Variants in SNTG2 observed in about 807,000 individuals in gnomAD.
SNTG2 encodes syntrophin gamma 2.
Under a neutral mutation model 70.9 loss-of-function variants are expected in SNTG2, and 74 were observed. The ratio of observed to expected loss-of-function variants is 1.04; its 90% CI spans 0.86 to 1.27. SNTG2 has a LOEUF of 1.27. SNTG2 is among the 50% of genes most tolerant of loss of function. SNTG2 has a pLI of 0.00. For missense variants in SNTG2, 717 were observed against 690.7 expected, an observed-to-expected ratio of 1.04 and a Z score of -0.43; for synonymous variants, 278 against 273.8, an observed-to-expected ratio of 1.02 and a Z score of -0.15.
At chr2:1,269,938 A>G (rs898170388) in intron 14 of SNTG2, among the ~76,000 whole-genome samples, 2 of 152,130 alleles carry the variant, frequency 1.3e-5, no homozygotes, top group African/African-American at 4.8e-5. Context: ...GGGGGCCGTG[A>G]TGACCACTGT....
intron 4 of SNTG2, among the ~76,000 whole-genome samples, chr2:1,112,488 G>A (rs907375581): frequency 1.3e-5 from 2 of 151,700 alleles, no homozygotes; most frequent in Non-Finnish European, 2.9e-5. Context: ...ACAGTCCTTT[G>A]TGAAGGATCG....
intron 8 of SNTG2, among the ~76,000 whole-genome samples, chr2:1,182,540 A>C (rs2147916008): frequency 6.6e-6 from 1 of 152,300 alleles, no homozygotes; most frequent in Middle Eastern, 3.4e-3. Context: ...AATAAAAATA[A>C]ATAAATAAAG....
At chr2:1,069,526 C>G (rs1451660960) in intron 1 of SNTG2, among the ~76,000 whole-genome samples, 2 of 151,352 alleles carry the variant, frequency 1.3e-5, no homozygotes, top group African/African-American at 4.8e-5. Context: ...GGCGCAGTGG[C>G]TCATGCCTGT....
At chr2:1,363,481 A>G (rs1366504990) in intron 16 of SNTG2, among the ~76,000 whole-genome samples, 4 of 152,024 alleles carry the variant, frequency 2.6e-5, no homozygotes, top group Non-Finnish European at 5.9e-5. Context: ...ACACTCCCTA[A>G]CCCAACATAT....
intron 6 of SNTG2, among the ~76,000 whole-genome samples, chr2:1,164,893 G>A (rs896790242): frequency 3.9e-5 from 6 of 152,246 alleles, no homozygotes; most frequent in African/African-American, 1.4e-4. Flanking sequence ...ACAGATGCAG[G>A]TGCAGTGAAT....
chr2:1,308,463 A>C, intron 14 of SNTG2, 31 bp from the exon 15 acceptor site: 1 of 1,534,540 alleles, frequency 6.5e-7, no homozygotes, highest in Admixed American at 2.0e-5. Context: ...TTATTAAAGA[A>C]TGTTTTCTCA....
chr2:979,401 C>T (rs191311744), intron 1 of SNTG2, among the ~76,000 whole-genome samples: 1 of 152,304 alleles, frequency 6.6e-6, no homozygotes, highest in East Asian at 1.9e-4. Flanking sequence ...CAAATGGCCT[C>T]ATAGGCATCC....
At chr2:1,318,760 T>A (rs1466220201) in intron 16 of SNTG2, among the ~76,000 whole-genome samples, 1 of 152,094 alleles carries the variant, frequency 6.6e-6, no homozygotes, top group Non-Finnish European at 1.5e-5. Context: ...TGCAGCTGTT[T>A]GCCTTGGGCG....
At chr2:1,183,895 TATAAG>T (rs1185653386) in intron 8 of SNTG2, among the ~76,000 whole-genome samples, 5 of 152,014 alleles carry the variant, frequency 3.3e-5, no homozygotes, top group Admixed American at 2.0e-4. Context: ...CTCAAACAAA[TATAAG>T]GAAAGGTGCT....
At chr2:1,211,535 G>A (rs915350583) in intron 9 of SNTG2, among the ~76,000 whole-genome samples, 3 of 152,128 alleles carry the variant, frequency 2.0e-5, no homozygotes, top group Non-Finnish European at 2.9e-5. Flanking sequence ...AATTTATAAA[G>A]AAAAAGAGGT....
chr2:1,199,332 T>C lies in SNTG2; in HGVS notation c.592-9771T>C, dbSNP rs188169208. Among the ~76,000 whole-genome samples, 253 of 151,936 alleles carry C rather than the reference T, an allele frequency of 1.7e-3. 3 individuals are homozygous for C. The highest frequency in any genetic ancestry group is 1.2e-3 in the Non-Finnish European group (84 of 67,908). ...AAAAGCATTTGATAGAATTCAACAA[T>C]GCTTTATGATAAAAGTACTCAAATT... On this transcript the variant is annotated intron_variant, in intron 8 of 16. Coordinates refer to ENST00000308624, the MANE Select transcript of SNTG2 (RefSeq NM_018968.4).
chr2:1,263,416 C>A (rs1484571242), intron 13 of SNTG2, among the ~76,000 whole-genome samples: 3 of 152,042 alleles, frequency 2.0e-5, no homozygotes, highest in Non-Finnish European at 4.4e-5. Flanking sequence ...ATAAGTTTAT[C>A]TTTTAAATTC....
chr2:1,313,493 T>G (rs1681113727), intron 15 of SNTG2, among the ~76,000 whole-genome samples: 1 of 152,228 alleles, frequency 6.6e-6, no homozygotes, highest in Admixed American at 6.5e-5. Flanking sequence ...CAATTGCGCT[T>G]TGGAGAAGGG....
At chr2:1,069,584 A>G (rs1191738030) in intron 1 of SNTG2, among the ~76,000 whole-genome samples, 1 of 151,964 alleles carries the variant, frequency 6.6e-6, no homozygotes, top group Non-Finnish European at 1.5e-5. Context: ...CGAGGTCAAG[A>G]GATCGAGATC....
chr2:1,049,213 AATCT>A (rs1185204193), intron 1 of SNTG2, among the ~76,000 whole-genome samples: 1 of 152,162 alleles, frequency 6.6e-6, no homozygotes, highest in Non-Finnish European at 1.5e-5. Flanking sequence ...GGTGTTGTAC[AATCT>A]ATGAGTCTGG....
chr2:1,224,205 C>T (rs1363956742), intron 9 of SNTG2, among the ~76,000 whole-genome samples: 3 of 152,194 alleles, frequency 2.0e-5, no homozygotes, highest in Non-Finnish European at 4.4e-5. Flanking sequence ...AGGATTTCAA[C>T]ACTGAACGTT....
At chr2:1,250,367 C>T (rs1341173569) in intron 12 of SNTG2, among the ~76,000 whole-genome samples, 3 of 152,206 alleles carry the variant, frequency 2.0e-5, no homozygotes, top group Non-Finnish European at 4.4e-5. Context: ...CTCCATCTCT[C>T]TCCCTGTCTC....
intron 9 of SNTG2, 78 bp from the exon 10 acceptor site, chr2:1,237,810 G>A (rs1203005289): frequency 3.3e-6 from 5 of 1,516,594 alleles, no homozygotes; most frequent in African/African-American, 2.8e-5. Flanking sequence ...GCCCTGCTGA[G>A]CATCAGCCTC....
At chr2:1,204,050 T>C (rs1673472356) in intron 8 of SNTG2, among the ~76,000 whole-genome samples, 2 of 152,180 alleles carry the variant, frequency 1.3e-5, no homozygotes, top group South Asian at 4.1e-4. Context: ...TGATAGTGCA[T>C]CATTCGATTA....
Sources: gnomAD v4.1 joint callset for allele counts (sites outside exome capture counted in the v4.1 genomes callset) on GRCh38, gnomAD v4.1.1 for gene constraint, MANE v1.5 for transcripts, NCBI Gene and HGNC (gene_info 2026-07-23, HGNC 2026-07-21) for gene names.